The following BCL11B variants were observed in gnomAD, a reference collection of about 807,000 sequenced individuals.
The protein encoded by BCL11B is BCL11 transcription factor B.
BCL11B carries 8 observed loss-of-function variants against 49.9 expected under a neutral mutation model. That is an observed-to-expected ratio of 0.16 (90% CI 0.09 to 0.29). BCL11B has a LOEUF of 0.29. BCL11B is among the 10% of genes least tolerant of loss of function. The probability of loss-of-function intolerance (pLI) is 1.00; values close to 1 mark genes in which losing one functional copy is unlikely to be tolerated. For missense variants in BCL11B, 1,006 were observed against 1,351.0 expected (o/e 0.74, Z 4.00); for synonymous variants, 739 against 637.4 (o/e 1.16, Z -2.40).
chr14:99,183,672 C>A (rs1886773963), intron 3 of BCL11B, among the ~76,000 whole-genome samples: 1 of 152,028 alleles, frequency 6.6e-6, no homozygotes, highest in Admixed American at 6.6e-5. Flanking sequence ...AAATAGGGAC[C>A]CACATACAGT....
rs1218683827 is a variant in BCL11B, at chr14:99,257,399, C to A, written c.427+72G>T. ...GCCCCTGGGCCTTCCCCTGCACCAG[C>A]ACACTCAGGCAGAGGGCATGGGACC... On this transcript the variant is annotated intron_variant, in intron 2 of 3. Coordinates refer to ENST00000357195, the MANE Select transcript of BCL11B (RefSeq NM_138576.4). This position sits in a 1 kb window ranked among gnomAD's most constrained non-coding sequence, Gnocchi z 6.2. 2 of 1,514,656 alleles carry A rather than the reference C, an allele frequency of 1.3e-6. No homozygotes were observed. Among genetic ancestry groups the A allele is most frequent in the South Asian group, 1.3e-5 (1 of 76,382 alleles). 93.8% of individuals were successfully genotyped at this position (1,514,656 alleles called of 1,614,324 possible).
Position 99,183,968 on chromosome 14 carries a change from A to AGGG in BCL11B, c.641-7776_641-7774dup, listed in dbSNP as rs1886782710. Among the ~76,000 whole-genome samples the AGGG allele has an allele frequency of 3.3e-5, 5 of 152,218 alleles. No individual in the cohort carries two copies. In the East Asian group the frequency reaches 7.7e-4, roughly 24 times the overall value. ...AACCACCAAAGCATGCCAGAATCCC[A>AGGG]GGGGACTACACACAGAACCAAGACA... On this transcript the variant is annotated intron_variant, in intron 3 of 3. Coordinates refer to ENST00000357195, the MANE Select transcript of BCL11B (RefSeq NM_138576.4).
intron 3 of BCL11B, among the ~76,000 whole-genome samples, chr14:99,183,682 T>A (rs754649346): frequency 6.6e-6 from 1 of 151,490 alleles, no homozygotes; most frequent in Non-Finnish European, 1.5e-5. Flanking sequence ...CCACATACAG[T>A]AGGCACTGGG....
chr14:99,231,213 C>A lies in BCL11B; in HGVS notation c.640+132G>T. On this transcript the variant is annotated intron_variant, in intron 3 of 3. Transcript: ENST00000357195. The surrounding 1 kb of genome is among the most constrained non-coding windows in gnomAD (Gnocchi z 8.1). ...GTTCAGCGAACATTCTTTACCACTT[C>A]CCCTGGCACCCCAAAAAGCCTTCTG... 2.0e-6 allele frequency: 2 copies of A among 989,832 alleles called. No individual in the cohort carries two copies. Among genetic ancestry groups the A allele is most frequent in the South Asian group, 3.3e-5 (2 of 60,676 alleles). The allele number at this position is 989,832 out of a possible 1,614,324, so 61.3% of individuals were successfully genotyped here. A position where few individuals can be genotyped will look rare whatever the true frequency, so the allele number is the denominator to read the frequency against.
chr14:99,174,576 T>C lies in BCL11B; in HGVS notation c.2260A>G (p.Thr754Ala). 6.6e-7 allele frequency: 1 copy of C among 1,519,638 alleles called. No individual in the cohort carries two copies. The highest frequency in any genetic ancestry group is 8.8e-7 in the Non-Finnish European group (1 of 1,136,614). 94.1% of individuals were successfully genotyped at this position (1,519,638 alleles called of 1,614,324 possible). Residue 754 changes from threonine to alanine, a missense_variant, in exon 4 of 4, where the codon ACG becomes GCG. Physicochemically the swap from Thr to Ala is moderately conservative, Grantham distance 58. This residue lies in a region of BCL11B where 443 missense variants were observed against 499.7 expected (regional missense o/e 0.89). Coordinates refer to ENST00000357195, the MANE Select transcript of BCL11B (RefSeq NM_138576.4). ...SSENGSLRFS[T>A]PPGDLLDGGL... ...CCGTCCAGCAGGTCCCCGGGCGGCG[T>C]GGAGAAGCGCAGGCTGCCGTTCTCG...
chr14:99,234,217 C>T (rs1011831833), intron 2 of BCL11B, among the ~76,000 whole-genome samples: 5 of 152,166 alleles, frequency 3.3e-5, no homozygotes, highest in African/African-American at 1.2e-4. Flanking sequence ...GATGAAAATG[C>T]TCGGGACTTA....
rs931058840 is a variant in BCL11B, at chr14:99,248,733, T to C, written c.427+8738A>G. ...TCATTAATGTGAAAAATGAGGAAAG[T>C]TGGGGGAACTACTGGGTGGGAAAGG... is the stretch of plus-strand genomic sequence containing the variant. On this transcript the variant is annotated intron_variant, in intron 2 of 3. Transcript: ENST00000357195. The surrounding 1 kb of genome is among the most constrained non-coding windows in gnomAD (Gnocchi z 4.7). 1.3e-5 allele frequency among the ~76,000 whole-genome samples: 2 copies of C among 151,156 alleles called. No homozygotes were observed. The highest frequency in any genetic ancestry group is 1.9e-4 in the East Asian group (1 of 5,174).
intron 2 of BCL11B, among the ~76,000 whole-genome samples, chr14:99,245,028 C>T (rs1159669252): frequency 1.3e-5 from 2 of 152,170 alleles, no homozygotes; most frequent in Non-Finnish European, 2.9e-5. Context: ...AACTTTTAAT[C>T]GGCTACAGGC....
intron 3 of BCL11B, among the ~76,000 whole-genome samples, chr14:99,198,983 C>T (rs1272897138): frequency 3.9e-5 from 6 of 152,238 alleles, no homozygotes; most frequent in Non-Finnish European, 8.8e-5. Flanking sequence ...CACTTGCTCA[C>T]GGCGAGGGAC....
rs566072068 is a variant in BCL11B, at chr14:99,171,847, GGAAAA to G, written c.*2299_*2303del. 9.7e-6 allele frequency: 2 copies of G among 205,290 alleles called. No individual in the cohort carries two copies. Among genetic ancestry groups the G allele is most frequent in the South Asian group, 1.9e-4 (1 of 5,272 alleles). 12.7% of individuals were successfully genotyped at this position (205,290 alleles called of 1,614,324 possible). A position where few individuals can be genotyped will look rare whatever the true frequency, so the allele number is the denominator to read the frequency against. Reference sequence around the variant, plus strand: ...TTAAATTTTACTGCAACATTTTCAAGGAAAAGAAAAGGGTATTTTTTTTCTTGTTT... The same window carrying G: ...TTAAATTTTACTGCAACATTTTCAAGGAAAAGGGTATTTTTTTTCTTGTTT... On this transcript the variant is annotated 3_prime_UTR_variant, in exon 4 of 4. Transcript: ENST00000357195.
Position 99,231,510 on chromosome 14 carries a change from AGGCAGCTATGGGGGCCACCGCT to A in BCL11B, c.453_474del (p.Ala152ProfsTer8). Reference sequence around the variant, plus strand: ...ATCACGGATGAGTGAGGGTGGGAGGAGGCAGCTATGGGGGCCACCGCTGGCAGCTGGGCAGGCCTGCACGGCC... The same window carrying A: ...ATCACGGATGAGTGAGGGTGGGAGGAGGCAGCTGGGCAGGCCTGCACGGCC... On this transcript the variant is annotated frameshift_variant, in exon 3 of 4. Coordinates refer to ENST00000357195, the MANE Select transcript of BCL11B (RefSeq NM_138576.4). LOFTEE classifies it high-confidence loss of function. This position sits in a 1 kb window ranked among gnomAD's most constrained non-coding sequence, Gnocchi z 8.1. 1.3e-6 allele frequency: 2 copies of A among 1,598,448 alleles called. No individual in the cohort carries two copies. The highest frequency in any genetic ancestry group is 1.7e-6 in the Non-Finnish European group (2 of 1,172,944).
At chr14:99,243,500 C>T (rs1888731132) in intron 2 of BCL11B, among the ~76,000 whole-genome samples, 1 of 152,152 alleles carries the variant, frequency 6.6e-6, no homozygotes, top group South Asian at 2.1e-4. Context: ...GTTTTCATAT[C>T]TGGACAGGGA....
At chr14:99,225,146 C>T (rs575509718) in intron 3 of BCL11B, among the ~76,000 whole-genome samples, 3 of 152,304 alleles carry the variant, frequency 2.0e-5, no homozygotes, top group South Asian at 2.1e-4. Context: ...CACTGGGCGA[C>T]GAACTTCCTT....
chr14:99,231,692 G>A lies in BCL11B; in HGVS notation c.428-135C>T, dbSNP rs1435770457. 5.6e-6 allele frequency: 5 copies of A among 893,554 alleles called. No homozygotes were observed. The highest frequency in any genetic ancestry group is 6.8e-6 in the Non-Finnish European group (4 of 592,208). 55.4% of individuals were successfully genotyped at this position (893,554 alleles called of 1,614,324 possible). A position where few individuals can be genotyped will look rare whatever the true frequency, so the allele number is the denominator to read the frequency against. ...GGGTGGGAGGCCCCCGGGGTGCCAG[G>A]CCCTGCAGGGAAGGCAATCGGGACA... is the stretch of plus-strand genomic sequence containing the variant. On this transcript the variant is annotated intron_variant, in intron 2 of 3. Transcript: ENST00000357195. This position sits in a 1 kb window ranked among gnomAD's most constrained non-coding sequence, Gnocchi z 8.1.
chr14:99,187,138 G>A (rs1406952215), intron 3 of BCL11B, among the ~76,000 whole-genome samples: 1 of 152,142 alleles, frequency 6.6e-6, no homozygotes, highest in Non-Finnish European at 1.5e-5. Context: ...GGTTAGCCCA[G>A]GTGTGCAGTT....
At chr14:99,270,908 C>A (rs1319604408) in intron 1 of BCL11B, among the ~76,000 whole-genome samples, 1 of 151,632 alleles carries the variant, frequency 6.6e-6, no homozygotes, top group African/African-American at 2.4e-5. Flanking sequence ...CCCTCCCCGG[C>A]CCGGAGCCGG....
At chr14:99,177,772 CCT>C (rs755640516) in intron 3 of BCL11B, among the ~76,000 whole-genome samples, 36 of 151,928 alleles carry the variant, frequency 2.4e-4, no homozygotes, top group Non-Finnish European at 1.5e-4. Context: ...AAAACAGTCC[CCT>C]GTCTCACTCT....
intron 3 of BCL11B, among the ~76,000 whole-genome samples, chr14:99,199,640 CTGTGTGTGTGTGTGTGTGTG>C (rs79328426): frequency 9.1e-6 from 1 of 109,524 alleles, no homozygotes; most frequent in Non-Finnish European, 1.9e-5. Context: ...TGGCTAAATG[CTGTGTGTGTGTGTGTGTGTG>C]TGTGTGTGTG....
chr14:99,178,522 C>T (rs1000235076), intron 3 of BCL11B, among the ~76,000 whole-genome samples: 3 of 152,150 alleles, frequency 2.0e-5, no homozygotes, highest in African/African-American at 7.2e-5. Context: ...GCACTCTCAG[C>T]GAACAGAGGA....
Sources: gnomAD v4.1 joint callset for allele counts (sites outside exome capture counted in the v4.1 genomes callset) on GRCh38, gnomAD v4.1.1 for gene constraint, gnomAD v4.1.1 regional missense constraint, Gnocchi (gnomAD v3.1) non-coding constraint, MANE v1.5 for transcripts, NCBI Gene and HGNC (gene_info 2026-07-23, HGNC 2026-07-21) for gene names.